SLCO3A1: variants seen among roughly 807,000 people sequenced by gnomAD.
SLCO3A1 encodes PGE1 transporter.
In SLCO3A1, 27 loss-of-function variants were observed where a neutral mutation model predicts 63.1. The ratio of observed to expected loss-of-function variants is 0.43; its 90% CI spans 0.32 to 0.59. SLCO3A1 has a LOEUF of 0.59. Among genes scored for constraint, SLCO3A1 ranks in the 20% least tolerant of loss-of-function variants. SLCO3A1 has a pLI of 0.09. For synonymous variants in SLCO3A1, 473 were observed against 409.9 expected (o/e 1.15, Z -1.86); for missense variants, 773 against 945.8 (o/e 0.82, Z 2.40).
At chr15:91,934,118 C>A (rs1899325469) in intron 2 of SLCO3A1, among the ~76,000 whole-genome samples, 1 of 152,118 alleles carries the variant, frequency 6.6e-6, no homozygotes, top group Non-Finnish European at 1.5e-5. Flanking sequence ...CTTTATTACT[C>A]ATTGACAATA....
chr15:91,937,284 G>C (rs2151395224), intron 2 of SLCO3A1, among the ~76,000 whole-genome samples: 1 of 152,340 alleles, frequency 6.6e-6, no homozygotes, highest in Non-Finnish European at 1.5e-5. Flanking sequence ...GGGGCAGGTA[G>C]CACGGGCAAA....
intron 2 of SLCO3A1, among the ~76,000 whole-genome samples, chr15:92,094,451 A>T (rs979555402): frequency 2.0e-5 from 3 of 152,262 alleles, no homozygotes. Flanking sequence ...TTCACAAAAA[A>T]TTCTTGAGTT....
chr15:91,972,149 A>G lies in SLCO3A1; in HGVS notation c.646+55691A>G, dbSNP rs1338137482. 2.0e-5 allele frequency among the ~76,000 whole-genome samples: 3 copies of G among 152,116 alleles called. No individual in the cohort carries two copies. In the East Asian group the frequency reaches 5.8e-4, roughly 29 times the overall value. On this transcript the variant is annotated intron_variant, in intron 2 of 9. Transcript: ENST00000318445. ...GGGTTTTATGTAGAGCTCTATACCT[A>G]TGATACCATATTGGAAAACGTCTAC...
chr15:91,869,717 AG>A (rs1567164084), intron 1 of SLCO3A1, among the ~76,000 whole-genome samples: 1 of 151,970 alleles, frequency 6.6e-6, no homozygotes, highest in African/African-American at 2.4e-5. Context: ...CAACAAAGAA[AG>A]GATCATTTGG....
At chr15:92,054,608 A>AC (rs1377115273) in intron 2 of SLCO3A1, among the ~76,000 whole-genome samples, 22 of 101,184 alleles carry the variant, frequency 2.2e-4, no homozygotes, top group Middle Eastern at 4.2e-3. Flanking sequence ...CCCTCCACCC[A>AC]CCCCCGCCCA....
At chr15:92,022,834 G>A (rs930448992) in intron 2 of SLCO3A1, among the ~76,000 whole-genome samples, 1 of 151,580 alleles carries the variant, frequency 6.6e-6, no homozygotes, top group African/African-American at 2.4e-5. Flanking sequence ...GGCTTCCCAG[G>A]AAGAAGAAGG....
intron 2 of SLCO3A1, among the ~76,000 whole-genome samples, chr15:92,026,827 A>T (rs986491221): frequency 6.6e-6 from 1 of 152,190 alleles, no homozygotes; most frequent in East Asian, 1.9e-4. Context: ...AGTGGCTCAC[A>T]CCTGTAATCC....
chr15:92,109,067 A>C lies in SLCO3A1; in HGVS notation c.1009+4525A>C, dbSNP rs111319319. Among the ~76,000 whole-genome samples, 102 of 152,278 alleles carry C rather than the reference A, an allele frequency of 6.7e-4. 1 individual carries two copies. The highest frequency in any genetic ancestry group is 2.4e-3 in the African/African-American group (99 of 41,544). ...GTGATACTGGTTGAATGAAGTAATA[A>C]ATGAATACTTTCTTGCAAGCCTGCA... On this transcript the variant is annotated intron_variant, in intron 4 of 9. Coordinates refer to ENST00000318445, the MANE Select transcript of SLCO3A1 (RefSeq NM_013272.4).
At position 92,126,247 on chromosome 15, in the gene SLCO3A1, C is replaced by T; in HGVS notation, c.1361C>T (p.Pro454Leu). Residue 454 changes from proline to leucine, a missense_variant, in exon 6 of 10, where the codon CCC becomes CTC. Coordinates refer to ENST00000318445, the MANE Select transcript of SLCO3A1 (RefSeq NM_013272.4). ...GGCCCTGTGGCTGGGGTTACTGTTC[C>T]CTATGGAAACAGGTGAGTACTGGCA... ...DTGPVAGVTV[P>L]YGNSTAPGSA... 3 of 1,613,940 alleles carry T rather than the reference C, an allele frequency of 1.9e-6. No individual in the cohort carries two copies. The South Asian group carries it at 3.3e-5, about 18-fold the overall frequency.
chr15:92,079,203 C>T (rs1291701709), intron 2 of SLCO3A1, among the ~76,000 whole-genome samples: 1 of 152,156 alleles, frequency 6.6e-6, no homozygotes, highest in Non-Finnish European at 1.5e-5. Flanking sequence ...TTGGATGGCC[C>T]ACCACATGCA....
intron 2 of SLCO3A1, among the ~76,000 whole-genome samples, chr15:92,016,234 TAG>T (rs2046427760): frequency 3.8e-5 from 2 of 52,666 alleles, no homozygotes; most frequent in East Asian, 4.9e-3. Context: ...GATAGATAGA[TAG>T]ATAGATAGAT....
intron 1 of SLCO3A1, among the ~76,000 whole-genome samples, chr15:91,888,661 T>C (rs1413121108): frequency 6.6e-6 from 1 of 152,136 alleles, no homozygotes; most frequent in African/African-American, 2.4e-5. Flanking sequence ...ATGTAATAAA[T>C]GTTTAATTAA....
At chr15:92,032,929 G>T (rs895669223) in intron 2 of SLCO3A1, among the ~76,000 whole-genome samples, 2 of 151,708 alleles carry the variant, frequency 1.3e-5, no homozygotes, top group Non-Finnish European at 2.9e-5. Context: ...AAAGTGGGGC[G>T]GGGCGGGCGG....
At chr15:92,124,711 G>A (rs1220285752) in intron 5 of SLCO3A1, among the ~76,000 whole-genome samples, 1 of 152,200 alleles carries the variant, frequency 6.6e-6, no homozygotes, top group African/African-American at 2.4e-5. Context: ...AGAGCTGAGA[G>A]AGCCATGAAA....
In SLCO3A1 at chr15:91,859,827, C is replaced by CATA. The variant is rs369848299; in HGVS notation, c.180+5744_180+5746dup. Among the ~76,000 whole-genome samples, 3 of 152,248 alleles carry CATA rather than the reference C, an allele frequency of 2.0e-5. No individual in the cohort carries two copies. Among genetic ancestry groups the CATA allele is most frequent in the Non-Finnish European group, 4.4e-5 (3 of 68,020 alleles). On this transcript the variant is annotated intron_variant, in intron 1 of 9. Coordinates refer to ENST00000318445, the MANE Select transcript of SLCO3A1 (RefSeq NM_013272.4). This position sits in a 1 kb window ranked among gnomAD's most constrained non-coding sequence, Gnocchi z 5.1. The stretch of plus-strand genomic sequence containing the variant: ...TATGGTTATGCATATTTACTGCAAA[C>CATA]ATAATAACCGTGTAGCCCCAACCAA...
At chr15:91,911,193 A>G (rs1898474064) in intron 1 of SLCO3A1, among the ~76,000 whole-genome samples, 2 of 152,228 alleles carry the variant, frequency 1.3e-5, no homozygotes, top group African/African-American at 2.4e-5. Context: ...ATGCATCCCA[A>G]CATTTCCCAC....
chr15:92,063,863 A>AT (rs2047116447), intron 2 of SLCO3A1, among the ~76,000 whole-genome samples: 1 of 148,912 alleles, frequency 6.7e-6, no homozygotes, highest in East Asian at 2.1e-4. Context: ...AAGCAAACAA[A>AT]CAAAAAAATC....
In SLCO3A1 at chr15:91,961,841, A is replaced by T. The variant is rs118184150; in HGVS notation, c.646+45383A>T. Among the ~76,000 whole-genome samples, 112 of 152,342 alleles carry T rather than the reference A, an allele frequency of 7.4e-4. 1 individual carries two copies. In the East Asian group the frequency reaches 0.017, roughly 23 times the overall value. Reference sequence around the variant, plus strand: ...ATGAGAGCGACCCATTCACTGTTACATGTTTAAAGCTTGAGATGGTTCTCA... The same window carrying T: ...ATGAGAGCGACCCATTCACTGTTACTTGTTTAAAGCTTGAGATGGTTCTCA... On this transcript the variant is annotated intron_variant, in intron 2 of 9. Transcript: ENST00000318445.
chr15:91,933,415 G>T (rs1899301701), intron 2 of SLCO3A1, among the ~76,000 whole-genome samples: 1 of 151,754 alleles, frequency 6.6e-6, no homozygotes, highest in Admixed American at 6.6e-5. Context: ...TTTGTTTTTG[G>T]ATTTTATCTT....
Sources: allele counts gnomAD v4.1 joint callset (sites outside exome capture counted in the v4.1 genomes callset), GRCh38; gene constraint gnomAD v4.1.1; non-coding constraint Gnocchi (gnomAD v3.1); transcripts MANE v1.5; gene names NCBI Gene and HGNC (gene_info 2026-07-23, HGNC 2026-07-21).